The following RBBP6 variants were observed in gnomAD, a reference collection of about 807,000 sequenced individuals.
RBBP6 encodes the protein E3 ubiquitin-protein ligase RBBP6.
A neutral mutation model predicts 167.7 loss-of-function variants in RBBP6; 25 were observed. The ratio of observed to expected loss-of-function variants is 0.15; its 90% CI spans 0.11 to 0.21. The LOEUF is 0.21. Among genes scored for constraint, RBBP6 ranks in the 10% least tolerant of loss-of-function variants. RBBP6 has a pLI of 1.00. For missense variants in RBBP6, 1,868 were observed against 2,134.2 expected (o/e 0.88, Z 2.46); for synonymous variants, 789 against 735.8 (o/e 1.07, Z -1.17).
In RBBP6 at chr16:24,569,697, G is replaced by C; in HGVS notation, c.3007G>C (p.Glu1003Gln). Residue 1003 changes from glutamate (E) to glutamine (Q), a missense_variant, in exon 17 of 18, where the codon GAA (glutamate) becomes CAA (glutamine). By Grantham distance (29) the Glu-to-Gln change is conservative. This residue lies in a region of RBBP6 where 673 missense variants were observed against 691.5 expected (regional missense o/e 0.97). Coordinates refer to ENST00000319715, the MANE Select transcript of RBBP6 (RefSeq NM_006910.5). ...ATCAATCACTTTTAAATCAGTGTCT[G>C]AAAAAGACAAGAGAGAAAGGGATAA... ...AESITFKSVS[E>Q]KDKRERDKPK... 2.5e-6 allele frequency: 4 copies of C among 1,613,890 alleles called. No homozygotes were observed. The highest frequency in any genetic ancestry group is 3.4e-6 in the Non-Finnish European group (4 of 1,179,976).
rs1262718553 is a variant in RBBP6, at chr16:24,548,958, C to G, written c.280C>G (p.Pro94Ala). ...SKTYVISRTE[P>A]AMATTKAIDD... ...TTTGTGTTTTAGAAGTCGAACTGAA[C>G]CAGCGATGGCAACTACAAAAGCAGT... The change falls in exon 3 of 18, where the codon CCA becomes GCA. Residue 94 changes from proline (P) to alanine (A), a missense_variant. Pro to Ala is a conservative substitution (Grantham distance 27, BLOSUM62 -1). Coordinates refer to ENST00000319715, the MANE Select transcript of RBBP6 (RefSeq NM_006910.5). 2 of 1,609,988 alleles carry G rather than the reference C, an allele frequency of 1.2e-6. No homozygotes were observed. The highest frequency in any genetic ancestry group is 1.7e-6 in the Non-Finnish European group (2 of 1,177,632).
chr16:24,557,813 GGAT>G (rs1275383894), intron 7 of RBBP6, among the ~76,000 whole-genome samples: 1 of 152,016 alleles, frequency 6.6e-6, no homozygotes, highest in Non-Finnish European at 1.5e-5. Context: ...GAGCAGGTGG[GGAT>G]GATGATGAAA....
chr16:24,562,922 A>AG (rs1469818803), intron 10 of RBBP6, among the ~76,000 whole-genome samples: 1 of 152,146 alleles, frequency 6.6e-6, no homozygotes, highest in Non-Finnish European at 1.5e-5. Flanking sequence ...TTGTCTTCAT[A>AG]GGCCAGACTT....
At chr16:24,547,493 C>T (rs1898687757) in intron 2 of RBBP6, among the ~76,000 whole-genome samples, 1 of 152,072 alleles carries the variant, frequency 6.6e-6, no homozygotes, top group Admixed American at 6.6e-5. Flanking sequence ...GATGGAGTCT[C>T]ACTCTGTTGC....
At chr16:24,550,629 T>C (rs2041308834) in intron 3 of RBBP6, among the ~76,000 whole-genome samples, 1 of 151,842 alleles carries the variant, frequency 6.6e-6, no homozygotes, top group African/African-American at 2.4e-5. Context: ...ACAAATCACA[T>C]GTTCATAAAT....
Position 24,569,706 on chromosome 16 carries a change from A to G in RBBP6, c.3016A>G (p.Lys1006Glu), listed in dbSNP as rs1416862367. The stretch of plus-strand genomic sequence containing the variant: ...TTTTAAATCAGTGTCTGAAAAAGAC[A>G]AGAGAGAAAGGGATAAACCAAAAGC... The part of the protein sequence containing the change: ...ITFKSVSEKD[K>E]RERDKPKAKG... The change falls in exon 17 of 18, where the codon AAG (lysine) becomes GAG (glutamate). Residue 1006 changes from lysine (K) to glutamate (E), a missense_variant. By Grantham distance (56) the Lys-to-Glu change is moderately conservative. Transcript: ENST00000319715. 6.2e-7 allele frequency: 1 copy of G among 1,614,104 alleles called. No individual in the cohort carries two copies. The highest frequency in any genetic ancestry group is 8.5e-7 in the Non-Finnish European group (1 of 1,180,016).
intron 1 of RBBP6, among the ~76,000 whole-genome samples, chr16:24,543,797 G>C (rs1898564815): frequency 6.6e-6 from 1 of 152,090 alleles, no homozygotes; most frequent in Non-Finnish European, 1.5e-5. Context: ...AGTGTGAGAG[G>C]TTTGGAAGCT....
chr16:24,549,228 T>C, intron 3 of RBBP6: 4 of 1,395,246 alleles, frequency 2.9e-6, no homozygotes, highest in Non-Finnish European at 3.7e-6. Flanking sequence ...GCATTATCCC[T>C]GTATGACACT....
intron 6 of RBBP6, among the ~76,000 whole-genome samples, 172 bp downstream of exon 6, chr16:24,556,089 G>A (rs1475190565): frequency 6.6e-6 from 1 of 152,196 alleles, no homozygotes; most frequent in Non-Finnish European, 1.5e-5. Flanking sequence ...ACTTGGCTGA[G>A]TTTGGGCAAG....
At chr16:24,550,157 C>G (rs924936283) in intron 3 of RBBP6, among the ~76,000 whole-genome samples, 1 of 151,824 alleles carries the variant, frequency 6.6e-6, no homozygotes, top group African/African-American at 2.4e-5. Flanking sequence ...TTTTTAAATA[C>G]TATTGCTCTT....
intron 10 of RBBP6, among the ~76,000 whole-genome samples, chr16:24,562,477 A>C (rs1899088398): frequency 6.6e-6 from 1 of 152,204 alleles, no homozygotes; most frequent in South Asian, 2.1e-4. Context: ...GATCATAATG[A>C]TAGTTTTGGA....
Position 24,563,646 on chromosome 16 carries a change from G to C in RBBP6, c.1502G>C (p.Gly501Ala). Reference sequence around the variant, plus strand: ...ATAAATACTGCTCGTCCAGGTGGTGGTCGACCAGGCTGGGAACAGTGAGTA... The same window carrying C: ...ATAAATACTGCTCGTCCAGGTGGTGCTCGACCAGGCTGGGAACAGTGAGTA... The part of the protein sequence containing the change: ...VRINTARPGG[G>A]RPGWEHSNKL... The change falls in exon 13 of 18, where the codon GGT becomes GCT. Residue 501 changes from glycine to alanine, a missense_variant. Coordinates refer to ENST00000319715, the MANE Select transcript of RBBP6 (RefSeq NM_006910.5). The C allele has an allele frequency of 6.2e-7, 1 of 1,611,200 alleles. No individual in the cohort carries two copies. The highest frequency in any genetic ancestry group is 8.5e-7 in the Non-Finnish European group (1 of 1,179,468).
At chr16:24,550,484 A>G (rs1006661492) in intron 3 of RBBP6, among the ~76,000 whole-genome samples, 2 of 151,438 alleles carry the variant, frequency 1.3e-5, no homozygotes, top group African/African-American at 4.8e-5. Flanking sequence ...TAGATTGACT[A>G]TCCTGGTGAC....
At chr16:24,549,518 C>T in intron 3 of RBBP6, 4 of 352,706 alleles carry the variant, frequency 1.1e-5, no homozygotes, top group Non-Finnish European at 1.6e-5. Flanking sequence ...AAGTTTGATG[C>T]TTTCTCCAAG....
Position 24,569,871 on chromosome 16 carries a change from A to C in RBBP6, c.3181A>C (p.Lys1061Gln). The C allele has an allele frequency of 1.9e-6, 3 of 1,610,542 alleles. No individual in the cohort carries two copies. Among genetic ancestry groups the C allele is most frequent in the Non-Finnish European group, 2.5e-6 (3 of 1,179,254 alleles). Reference sequence around the variant, plus strand: ...TCCTCGATCTGAACCTCCAATTAAAAAAGCCAAAGAGGAGACTCCGAAGAC... The same window carrying C: ...TCCTCGATCTGAACCTCCAATTAAACAAGCCAAAGAGGAGACTCCGAAGAC... ...RSPRSEPPIKKAKEETPKTDN... is the reference protein window; with the variant it reads ...RSPRSEPPIKQAKEETPKTDN... The change falls in exon 17 of 18, where the codon AAA (lysine) becomes CAA (glutamine). Residue 1061 changes from lysine to glutamine, a missense_variant. Coordinates refer to ENST00000319715, the MANE Select transcript of RBBP6 (RefSeq NM_006910.5).
intron 4 of RBBP6, chr16:24,555,361 C>T (rs1421965820): frequency 3.2e-6 from 1 of 316,758 alleles, no homozygotes; most frequent in East Asian, 5.5e-5. Flanking sequence ...GTATGCAAGT[C>T]TTAATGTAAG....
rs770276652 is a variant in RBBP6 at position 24,562,166 on chromosome 16, G to A, written c.1289+5G>A. 1 of 1,593,460 alleles carries A rather than the reference G, an allele frequency of 6.3e-7. No individual in the cohort carries two copies. Among genetic ancestry groups the A allele is most frequent in the South Asian group, 1.1e-5 (1 of 90,700 alleles). On this transcript the variant is annotated splice_donor_5th_base_variant and intron_variant, in intron 10 of 17. Transcript: ENST00000319715. ...AAAATCAGATGGACCTTTTCGGTAA[G>A]CCTGTGTGTTTTTCACTGTTAGAAA...
At chr16:24,543,088 CA>C (rs1170185088) in intron 1 of RBBP6, among the ~76,000 whole-genome samples, 2 of 152,166 alleles carry the variant, frequency 1.3e-5, no homozygotes, top group Non-Finnish European at 2.9e-5. Context: ...TCCAATGTCA[CA>C]AGGCAGTTGA....
At position 24,571,293 on chromosome 16, in the gene RBBP6, A is replaced by G. The variant is rs755428454; in HGVS notation, c.4227A>G (p.Ser1409=). The G allele has an allele frequency of 6.2e-7, 1 of 1,613,760 alleles. No homozygotes were observed. Among genetic ancestry groups the G allele is most frequent in the African/African-American group, 1.3e-5 (1 of 74,980 alleles). The change falls in exon 18 of 18, where the codon TCA becomes TCG. Residue 1409 remains serine (S), a synonymous_variant. Transcript: ENST00000319715. The part of the protein sequence containing the change: ...EKGKTKDRDY[S]VLEKENPEKR... ...GGAAAACCAAAGATCGAGATTATTC[A>G]GTGTTGGAAAAGGAGAACCCTGAAA...
Sources: gnomAD v4.1 joint callset for allele counts (sites outside exome capture counted in the v4.1 genomes callset) on GRCh38, gnomAD v4.1.1 for gene constraint, gnomAD v4.1.1 regional missense constraint, MANE v1.5 for transcripts, NCBI Gene and HGNC (gene_info 2026-07-23, HGNC 2026-07-21) for gene names.